Variants in CNKSR3 observed in about 807,000 individuals in gnomAD.
The protein encoded by CNKSR3 is connector enhancer of kinase suppressor of ras 3.
Under a neutral mutation model 67.7 loss-of-function variants are expected in CNKSR3, and 36 were observed. The observed-to-expected ratio is 0.53, with a 90% CI of 0.41 to 0.70. CNKSR3 has a LOEUF of 0.70. Among genes scored for constraint, CNKSR3 ranks in the 30% least tolerant of loss-of-function variants. The pLI is 0.00. For missense variants in CNKSR3, 630 were observed against 695.2 expected, an observed-to-expected ratio of 0.91 and a Z score of 1.05; for synonymous variants, 281 against 271.4, an observed-to-expected ratio of 1.04 and a Z score of -0.35.
chr6:154,451,502 T>C (rs997864002), intron 1 of CNKSR3, among the ~76,000 whole-genome samples: 5 of 14,332 alleles, frequency 3.5e-4, no homozygotes. Flanking sequence ...CACGCATACA[T>C]GCACACACAC....
intron 5 of CNKSR3, among the ~76,000 whole-genome samples, chr6:154,430,952 T>TA (rs1259050211): frequency 0.042 from 5,680 of 134,148 alleles, 121 homozygotes; most frequent in Non-Finnish European, 0.052. Context: ...ATTGACAAGG[T>TA]AAAAAAAAAA....
In CNKSR3 at chr6:154,401,083, A is replaced by C. The variant is rs1403538683; in HGVS notation, c.*5271T>G. ...GAAATCAGCTTTTGTGTGCTCCTTA[A>C]GCCAGTTTTAAAATAGATTTTAAAA... is the stretch of plus-strand genomic sequence containing the variant. On this transcript the variant is annotated 3_prime_UTR_variant, in exon 13 of 13. Coordinates refer to ENST00000607772, the MANE Select transcript of CNKSR3 (RefSeq NM_173515.4). 6.6e-6 allele frequency: 1 copy of C among 152,196 alleles called. No homozygotes were observed. The allele number at this position is 152,196 out of a possible 1,614,324, so 9.4% of individuals were successfully genotyped here. A position where few individuals can be genotyped will look rare whatever the true frequency, so the allele number is the denominator to read the frequency against.
intron 4 of CNKSR3, among the ~76,000 whole-genome samples, chr6:154,438,044 C>A (rs1274474371): frequency 6.6e-6 from 1 of 152,156 alleles, no homozygotes; most frequent in South Asian, 2.1e-4. Flanking sequence ...GATCCACCCG[C>A]CTCGGCCTCC....
rs1051395066 is a variant in CNKSR3 at position 154,398,607 on chromosome 6, A to T, written c.*7747T>A. 6.6e-6 allele frequency: 1 copy of T among 152,224 alleles called. No individual in the cohort carries two copies. The highest frequency in any genetic ancestry group is 6.5e-5 in the Admixed American group (1 of 15,278). 9.4% of individuals were successfully genotyped at this position (152,224 alleles called of 1,614,324 possible). On this transcript the variant is annotated 3_prime_UTR_variant, in exon 13 of 13. Transcript: ENST00000607772. Reference sequence around the variant, plus strand: ...ATTCCTTTATTTAAAACCACAGGAAACATAGAAACGAGTTTGAGGAATACC... The same window carrying T: ...ATTCCTTTATTTAAAACCACAGGAATCATAGAAACGAGTTTGAGGAATACC...
At chr6:154,406,964 A>AC (rs2128710241) in intron 12 of CNKSR3, among the ~76,000 whole-genome samples, 1 of 150,328 alleles carries the variant, frequency 6.7e-6, no homozygotes, top group East Asian at 2.0e-4. Context: ...CCAGGAAAAA[A>AC]AAAAAAAAAT....
At chr6:154,467,470 T>C (rs1786228162) in intron 1 of CNKSR3, among the ~76,000 whole-genome samples, 1 of 152,166 alleles carries the variant, frequency 6.6e-6, no homozygotes, top group Non-Finnish European at 1.5e-5. Flanking sequence ...CAGGTGGTCC[T>C]GAAGAGCACC....
chr6:154,470,854 C>T (rs1355402279), intron 1 of CNKSR3, among the ~76,000 whole-genome samples: 1 of 152,200 alleles, frequency 6.6e-6, no homozygotes, highest in Non-Finnish European at 1.5e-5. Context: ...TGAGGAACTG[C>T]CAAACTGTTT....
chr6:154,408,530 A>G (rs952264388), intron 12 of CNKSR3, among the ~76,000 whole-genome samples: 10 of 152,216 alleles, frequency 6.6e-5, no homozygotes, highest in South Asian at 2.1e-4. Flanking sequence ...AAAAGTGCCC[A>G]TTGTCAAAAA....
chr6:154,508,505 G>A (rs1787147130), intron 1 of CNKSR3, among the ~76,000 whole-genome samples: 1 of 152,164 alleles, frequency 6.6e-6, no homozygotes, highest in Non-Finnish European at 1.5e-5. Flanking sequence ...CTCTATGAGG[G>A]ACATACAGAT....
intron 4 of CNKSR3, among the ~76,000 whole-genome samples, chr6:154,435,930 G>A (rs1006419254): frequency 1.1e-4 from 16 of 152,244 alleles, no homozygotes; most frequent in Admixed American, 2.0e-4. Flanking sequence ...GTGATGGCAC[G>A]CGTCAAGTGT....
chr6:154,459,674 T>A (rs1786038191), intron 1 of CNKSR3, among the ~76,000 whole-genome samples: 1 of 152,216 alleles, frequency 6.6e-6, no homozygotes, highest in South Asian at 2.1e-4. Context: ...TCTCTAAGAC[T>A]TAGGTCACCC....
chr6:154,460,673 C>T (rs961146100), intron 1 of CNKSR3, among the ~76,000 whole-genome samples: 9 of 152,080 alleles, frequency 5.9e-5, no homozygotes, highest in Non-Finnish European at 1.3e-4. Flanking sequence ...GGAAGCTGTA[C>T]TTTTTGCCTC....
At chr6:154,423,517 C>T (rs1275508514) in intron 7 of CNKSR3, among the ~76,000 whole-genome samples, 1 of 152,150 alleles carries the variant, frequency 6.6e-6, no homozygotes, top group African/African-American at 2.4e-5. Flanking sequence ...CTCAGCCTCC[C>T]AAAGTGCTGG....
rs766809340 is a variant in CNKSR3, at chr6:154,422,510, A to T, written c.941T>A (p.Val314Glu). The T allele has an allele frequency of 6.2e-7, 1 of 1,614,118 alleles. No homozygotes were observed. The highest frequency in any genetic ancestry group is 2.2e-5 in the East Asian group (1 of 44,886). Residue 314 changes from valine (V) to glutamate (E), a missense_variant, in exon 9 of 13, where the codon GTA (valine) becomes GAA (glutamate). Val to Glu is a moderately radical substitution (Grantham distance 121, BLOSUM62 -2). Coordinates refer to ENST00000607772, the MANE Select transcript of CNKSR3 (RefSeq NM_173515.4). ...TTTACAGTTAATCCCAGATACCTGT[A>T]CAAGAGGTGGCTTCCACCGTAGGTT... ...LKNLRWKPPL[V>E]QTSPPPATTQ...
At chr6:154,431,245 A>T (rs181299460) in intron 5 of CNKSR3, among the ~76,000 whole-genome samples, 346 of 152,114 alleles carry the variant, frequency 2.3e-3, no homozygotes, top group African/African-American at 7.9e-3. Context: ...GGAGTTCAAG[A>T]CCAGCCTGAC....
At position 154,391,511 on chromosome 6, in the gene CNKSR3, G is replaced by C. The variant is rs1027064775; in HGVS notation, c.*14843C>G. 1.3e-5 allele frequency: 2 copies of C among 152,410 alleles called. No homozygotes were observed. Among genetic ancestry groups the C allele is most frequent in the East Asian group, 3.8e-4 (2 of 5,198 alleles). The allele number at this position is 152,410 out of a possible 1,614,324, so 9.4% of individuals were successfully genotyped here. ...GCCTCCCAAAGTGCTGGGATTACAG[G>C]CGTGAGCAATCAGGCCCAGCCTGAA... On this transcript the variant is annotated 3_prime_UTR_variant, in exon 13 of 13. Transcript: ENST00000607772.
intron 1 of CNKSR3, among the ~76,000 whole-genome samples, chr6:154,500,333 T>C (rs1187913815): frequency 2.0e-5 from 3 of 151,792 alleles, no homozygotes; most frequent in Non-Finnish European, 2.9e-5. Context: ...TTTCCACAAA[T>C]CTCTGAAAAT....
chr6:154,501,071 G>A (rs1474569100), intron 1 of CNKSR3, among the ~76,000 whole-genome samples: 1 of 152,184 alleles, frequency 6.6e-6, no homozygotes, highest in Non-Finnish European at 1.5e-5. Flanking sequence ...CCAGAGAGGA[G>A]CCAGGGGCAG....
intron 1 of CNKSR3, among the ~76,000 whole-genome samples, chr6:154,508,342 C>T (rs1173915400): frequency 6.6e-6 from 1 of 152,076 alleles, no homozygotes; most frequent in African/African-American, 2.4e-5. Context: ...ACCAAGTCTT[C>T]AAATGCCATG....
Sources: gnomAD v4.1 joint callset for allele counts (sites outside exome capture counted in the v4.1 genomes callset) on GRCh38, gnomAD v4.1.1 for gene constraint, MANE v1.5 for transcripts, NCBI Gene and HGNC (gene_info 2026-07-23, HGNC 2026-07-21) for gene names.